Variants in SLC35F1 observed in about 807,000 individuals in gnomAD.
The protein encoded by SLC35F1 is solute carrier family 35 member F1, also known as chromosome 6 open reading frame 169.
A neutral mutation model predicts 48.7 loss-of-function variants in SLC35F1; 14 were observed. The ratio of observed to expected loss-of-function variants is 0.29; its 90% CI spans 0.19 to 0.45. SLC35F1 has a LOEUF of 0.45. Among genes scored for constraint, SLC35F1 ranks in the 20% least tolerant of loss-of-function variants. SLC35F1 has a pLI of 1.00. For missense variants in SLC35F1, 404 were observed against 500.0 expected (o/e 0.81, Z 1.83); for synonymous variants, 190 against 202.2 (o/e 0.94, Z 0.51).
chr6:118,086,494 T>C (rs1338942529), intron 1 of SLC35F1, among the ~76,000 whole-genome samples: 1 of 152,220 alleles, frequency 6.6e-6, no homozygotes, highest in Non-Finnish European at 1.5e-5. Flanking sequence ...AATTCCCTCT[T>C]AGCAAGACTC....
In SLC35F1 at chr6:118,286,621, C is replaced by T. The variant is rs150732680; in HGVS notation, c.1002+1283C>T. Reference sequence around the variant, plus strand: ...GACAGGAATAAAGTTCCTATTTTTCCTCCAGCTTTATTGAGGTATAACTGA... The same window carrying T: ...GACAGGAATAAAGTTCCTATTTTTCTTCCAGCTTTATTGAGGTATAACTGA... On this transcript the variant is annotated intron_variant, in intron 7 of 7. Transcript: ENST00000360388. Among the ~76,000 whole-genome samples the T allele has an allele frequency of 1.7e-3, 261 of 152,138 alleles. 3 individuals carry two copies. The East Asian group carries it at 0.038, about 22-fold the overall frequency.
chr6:118,293,780 A>G (rs445566), intron 7 of SLC35F1, among the ~76,000 whole-genome samples: 9 of 152,008 alleles, frequency 5.9e-5, no homozygotes, highest in African/African-American at 2.2e-4. Flanking sequence ...AAAGTAGTTC[A>G]GGTATCTTGC....
chr6:117,991,878 T>C (rs1404133923), intron 1 of SLC35F1, among the ~76,000 whole-genome samples: 1 of 152,184 alleles, frequency 6.6e-6, no homozygotes, highest in Non-Finnish European at 1.5e-5. Flanking sequence ...AAAATGTCTC[T>C]GTTTGTGTCC....
At chr6:118,029,114 G>A (rs897943343) in intron 1 of SLC35F1, among the ~76,000 whole-genome samples, 2 of 126,730 alleles carry the variant, frequency 1.6e-5, no homozygotes, top group South Asian at 2.4e-4. Flanking sequence ...GAGGTAGCAT[G>A]TAAACAGATG....
At chr6:118,223,800 G>A (rs1775181610) in intron 2 of SLC35F1, among the ~76,000 whole-genome samples, 2 of 152,330 alleles carry the variant, frequency 1.3e-5, no homozygotes, top group Admixed American at 1.3e-4. Context: ...TCATGTCAGA[G>A]CTCAAGGTCA....
chr6:118,168,854 G>C (rs990899649), intron 2 of SLC35F1, among the ~76,000 whole-genome samples: 1 of 152,190 alleles, frequency 6.6e-6, no homozygotes, highest in Admixed American at 6.5e-5. Flanking sequence ...ATGTTATAAA[G>C]TGACCAAGTG....
chr6:118,269,263 A>G (rs1251544235), intron 4 of SLC35F1, among the ~76,000 whole-genome samples: 1 of 152,246 alleles, frequency 6.6e-6, no homozygotes, highest in Non-Finnish European at 1.5e-5. Context: ...AGATGTGGCT[A>G]AAACATACTG....
At chr6:118,215,470 C>G (rs1467500619) in intron 2 of SLC35F1, among the ~76,000 whole-genome samples, 1 of 151,882 alleles carries the variant, frequency 6.6e-6, no homozygotes, top group African/African-American at 2.4e-5. Context: ...ACGGAGACAC[C>G]GAGACAATGG....
chr6:118,102,800 G>C (rs1305430094), intron 1 of SLC35F1, among the ~76,000 whole-genome samples: 1 of 152,218 alleles, frequency 6.6e-6, no homozygotes, highest in Non-Finnish European at 1.5e-5. Context: ...GTCTCCTTGA[G>C]AGGCAAGGGT....
chr6:118,220,719 A>T, intron 2 of SLC35F1, among the ~76,000 whole-genome samples: 1 of 152,190 alleles, frequency 6.6e-6, no homozygotes, highest in East Asian at 1.9e-4. Context: ...AAGTTTAAAA[A>T]CCAGACTAGA....
At chr6:118,253,425 C>T (rs1319998813) in intron 3 of SLC35F1, among the ~76,000 whole-genome samples, 1 of 152,046 alleles carries the variant, frequency 6.6e-6, no homozygotes, top group African/African-American at 2.4e-5. Context: ...AACCAGATTG[C>T]AGTGAATCGA....
intron 2 of SLC35F1, among the ~76,000 whole-genome samples, chr6:118,229,349 G>A (rs1775259659): frequency 6.6e-6 from 1 of 152,192 alleles, no homozygotes; most frequent in Admixed American, 6.5e-5. Context: ...TGATGGTGAT[G>A]GGACACATTC....
intron 1 of SLC35F1, among the ~76,000 whole-genome samples, chr6:118,140,576 T>A (rs552779176): frequency 1.4e-5 from 2 of 147,370 alleles, no homozygotes; most frequent in Non-Finnish European, 3.0e-5. Context: ...ATACTTTTAA[T>A]CTTTTAGAGT....
chr6:118,215,871 A>G (rs575405225), intron 2 of SLC35F1, among the ~76,000 whole-genome samples: 2 of 152,288 alleles, frequency 1.3e-5, no homozygotes, highest in African/African-American at 4.8e-5. Context: ...AAGGAAAAAC[A>G]AGGGCTCAGT....
In SLC35F1 at chr6:118,199,236, G is replaced by T. The variant is rs748366523; in HGVS notation, c.350-36273G>T. Among the ~76,000 whole-genome samples, 47 of 152,268 alleles carry T rather than the reference G, an allele frequency of 3.1e-4. No homozygotes were observed. In the Middle Eastern group the frequency reaches 0.014, roughly 44 times the overall value. ...CACTGCATTTTCAGCACATTCTACAGTTACCCTGAAAACCTGAGAACCCCA... is the reference window on the plus strand; with the variant it reads ...CACTGCATTTTCAGCACATTCTACATTTACCCTGAAAACCTGAGAACCCCA... On this transcript the variant is annotated intron_variant, in intron 2 of 7. Transcript: ENST00000360388.
intron 1 of SLC35F1, among the ~76,000 whole-genome samples, chr6:118,103,375 C>T (rs974781684): frequency 5.9e-5 from 9 of 152,196 alleles, no homozygotes; most frequent in Non-Finnish European, 1.2e-4. Flanking sequence ...CCCATTAACT[C>T]GTCACTTAGC....
At chr6:118,162,932 G>A (rs1435239448) in intron 2 of SLC35F1, among the ~76,000 whole-genome samples, 1 of 151,714 alleles carries the variant, frequency 6.6e-6, no homozygotes, top group East Asian at 1.9e-4. Flanking sequence ...CATTTCGTGT[G>A]TGTGCTAATG....
At chr6:118,211,506 C>G (rs752223559) in intron 2 of SLC35F1, among the ~76,000 whole-genome samples, 1 of 152,134 alleles carries the variant, frequency 6.6e-6, no homozygotes, top group Non-Finnish European at 1.5e-5. Flanking sequence ...TAAATATATG[C>G]TAAATAAATG....
intron 1 of SLC35F1, among the ~76,000 whole-genome samples, chr6:117,996,653 C>G (rs968613852): frequency 1.4e-4 from 22 of 152,330 alleles, no homozygotes; most frequent in African/African-American, 5.3e-4. Flanking sequence ...GCCACAGCTG[C>G]TGATACCCAG....
Sources: allele counts gnomAD v4.1 joint callset (sites outside exome capture counted in the v4.1 genomes callset), GRCh38; gene constraint gnomAD v4.1.1; transcripts MANE v1.5; gene names NCBI Gene and HGNC (gene_info 2026-07-23, HGNC 2026-07-21).